Variants in FOXK1 observed in about 807,000 individuals in gnomAD.
FOXK1 encodes the protein forkhead box protein K1.
FOXK1 carries 19 observed loss-of-function variants against 51.9 expected under a neutral mutation model. That is an observed-to-expected ratio of 0.37 (90% CI 0.26 to 0.54). The LOEUF (loss-of-function observed/expected upper bound fraction) is 0.54. FOXK1 is among the 20% of genes least tolerant of loss of function. FOXK1 has a pLI of 0.87. For synonymous variants in FOXK1, 537 were observed against 482.6 expected (o/e 1.11, Z -1.48); for missense variants, 870 against 1,032.7 (o/e 0.84, Z 2.16).
intron 1 of FOXK1, among the ~76,000 whole-genome samples, chr7:4,738,481 A>G (rs1324632242): frequency 6.6e-6 from 1 of 152,066 alleles, no homozygotes; most frequent in African/African-American, 2.4e-5. Context: ...GGAGCTTTCT[A>G]GTCAAAATAC....
chr7:4,695,532 C>T (rs886426352), intron 1 of FOXK1, among the ~76,000 whole-genome samples: 3 of 152,098 alleles, frequency 2.0e-5, no homozygotes, highest in African/African-American at 7.2e-5. Flanking sequence ...AGGCGGGGCG[C>T]GGTGGCTCAT....
intron 1 of FOXK1, among the ~76,000 whole-genome samples, chr7:4,690,703 TGTA>T (rs1219902912): frequency 5.3e-5 from 8 of 151,420 alleles, no homozygotes; most frequent in African/African-American, 1.7e-4. Flanking sequence ...AAGTGTAGGA[TGTA>T]GTGGTGTTCA....
intron 1 of FOXK1, among the ~76,000 whole-genome samples, chr7:4,712,569 G>C (rs1421499447): frequency 6.6e-6 from 1 of 152,172 alleles, no homozygotes; most frequent in Non-Finnish European, 1.5e-5. Flanking sequence ...AACACGGAGA[G>C]TTGTTAGAAT....
chr7:4,757,935 C>T (rs1211404036), intron 5 of FOXK1: 1 of 152,162 alleles, frequency 6.6e-6, no homozygotes, highest in African/African-American at 2.4e-5. Flanking sequence ...GAGAATATCT[C>T]AGGACCAAGA....
At chr7:4,739,728 G>A (rs1018103273) in intron 1 of FOXK1, among the ~76,000 whole-genome samples, 1 of 152,220 alleles carries the variant, frequency 6.6e-6, no homozygotes, top group African/African-American at 2.4e-5. Context: ...TGCGACTCCC[G>A]CCTGCCGGAG....
In FOXK1 at chr7:4,759,157, C is replaced by A. The variant is rs375956939; in HGVS notation, c.1351C>A (p.Pro451Thr). The change falls in exon 6 of 9, where the codon CCT (proline) becomes ACT (threonine). Residue 451 changes from proline (P) to threonine (T), a missense_variant. Pro to Thr is a conservative substitution (Grantham distance 38). Around this residue, in one of 3 missense-constraint regions of FOXK1, gnomAD observed 457 missense variants for 510.8 expected, o/e 0.89. Coordinates refer to ENST00000328914, the MANE Select transcript of FOXK1 (RefSeq NM_001037165.2). ...GGAGGGCTCCCCCATTCCACACGAC[C>A]CTGAGTTTGGGTCCAAGTTAGCTTC... ...SREGSPIPHD[P>T]EFGSKLASVP... 22 of 1,612,752 alleles carry A rather than the reference C, an allele frequency of 1.4e-5. No homozygotes were observed. In the African/African-American group the frequency reaches 2.5e-4, roughly 19 times the overall value.
At position 4,695,936 on chromosome 7, in the gene FOXK1, C is replaced by CAA. The variant is rs72005510; in HGVS notation, c.560+13085_560+13086dup. 1.1e-3 allele frequency among the ~76,000 whole-genome samples: 128 copies of CAA among 116,808 alleles called. 1 individual carries two copies. Among genetic ancestry groups the CAA allele is most frequent in the East Asian group, 1.0e-2 (40 of 4,010 alleles). 76.6% of individuals were successfully genotyped at this position (116,808 alleles called of 152,430 possible). A position where few individuals can be genotyped will look rare whatever the true frequency, so the allele number is the denominator to read the frequency against. Reference sequence around the variant, plus strand: ...GGGCAACAAGAGCGAAACTCCGTCTCAAAAAAAAAAAAAAAAAATTCCCAC... The same window carrying CAA: ...GGGCAACAAGAGCGAAACTCCGTCTCAAAAAAAAAAAAAAAAAAAATTCCCAC... On this transcript the variant is annotated intron_variant, in intron 1 of 8. Transcript: ENST00000328914.
chr7:4,721,081 CG>C (rs1465421258), intron 1 of FOXK1, among the ~76,000 whole-genome samples: 1 of 152,158 alleles, frequency 6.6e-6, no homozygotes, highest in East Asian at 1.9e-4. Context: ...CTCCGTGCCC[CG>C]TCCCTTTCTT....
chr7:4,755,163 C>T lies in FOXK1; in HGVS notation c.904-74C>T. The stretch of plus-strand genomic sequence containing the variant: ...TTCTCGTGGGAAGGTTCCTCCCCAT[C>T]AGCTGTGACGGGTGGGTGGGGTAGA... On this transcript the variant is annotated intron_variant, in intron 3 of 8. Coordinates refer to ENST00000328914, the MANE Select transcript of FOXK1 (RefSeq NM_001037165.2). The surrounding 1 kb of genome is among the most constrained non-coding windows in gnomAD (Gnocchi z 6.6). The T allele has an allele frequency of 6.4e-7, 1 of 1,566,464 alleles. No individual in the cohort carries two copies. Among genetic ancestry groups the T allele is most frequent in the Non-Finnish European group, 8.7e-7 (1 of 1,150,322 alleles).
intron 1 of FOXK1, among the ~76,000 whole-genome samples, chr7:4,704,326 C>A (rs1308842075): frequency 6.6e-6 from 1 of 151,624 alleles, no homozygotes; most frequent in East Asian, 1.9e-4. Flanking sequence ...TGGGGCACGC[C>A]TGTAATCCCA....
rs1780667914 is a variant in FOXK1, at chr7:4,743,910, T to C, written c.746+2887T>C. On this transcript the variant is annotated intron_variant, in intron 2 of 8. Transcript: ENST00000328914. This position sits in a 1 kb window ranked among gnomAD's most constrained non-coding sequence, Gnocchi z 5.3. ...TTTTTTTTTTGAGACGGAGTCTTGCTCTGTCGCCCAGGCTGGAGTGCAGTG... is the reference window on the plus strand; with the variant it reads ...TTTTTTTTTTGAGACGGAGTCTTGCCCTGTCGCCCAGGCTGGAGTGCAGTG... Among the ~76,000 whole-genome samples, 1 of 150,824 alleles carries C rather than the reference T, an allele frequency of 6.6e-6. No homozygotes were observed. Among genetic ancestry groups the C allele is most frequent in the South Asian group, 2.1e-4 (1 of 4,772 alleles).
chr7:4,689,737 A>C (rs1300133425), intron 1 of FOXK1, among the ~76,000 whole-genome samples: 1 of 152,206 alleles, frequency 6.6e-6, no homozygotes, highest in Non-Finnish European at 1.5e-5. Flanking sequence ...ATTATCTTGA[A>C]ATTAATGGGA....
rs1252427504 is a variant in FOXK1, at chr7:4,759,097, T to C, written c.1291T>C (p.Ser431Pro). The change falls in exon 6 of 9, where the codon TCC (serine) becomes CCC (proline). Residue 431 changes from serine to proline, a missense_variant. By Grantham distance (74) the Ser-to-Pro change is moderately conservative (BLOSUM62 -1). Coordinates refer to ENST00000328914, the MANE Select transcript of FOXK1 (RefSeq NM_001037165.2). ...ACACCCCGGGCTGATGTCCCCTCGC[T>C]CCGGCGGCCTGCAGACCCCAGAGTG... ...PTHPGLMSPR[S>P]GGLQTPECLS... 6.2e-7 allele frequency: 1 copy of C among 1,611,080 alleles called. No individual in the cohort carries two copies. Among genetic ancestry groups the C allele is most frequent in the South Asian group, 1.1e-5 (1 of 91,066 alleles).
chr7:4,739,629 C>G (rs149536719), intron 1 of FOXK1, among the ~76,000 whole-genome samples: 116 of 152,286 alleles, frequency 7.6e-4, no homozygotes, highest in Non-Finnish European at 1.5e-3. Context: ...TTGGTCGTCT[C>G]CAGTAGAAAA....
chr7:4,716,598 G>C (rs1780238185), intron 1 of FOXK1, among the ~76,000 whole-genome samples: 1 of 152,210 alleles, frequency 6.6e-6, no homozygotes, highest in Admixed American at 6.5e-5. Context: ...TGTCACTGTG[G>C]CCTGCTGTGG....
rs1398290991 is a variant in FOXK1, at chr7:4,766,790, C to G, written c.*4326C>G. 5 of 152,208 alleles carry G rather than the reference C, an allele frequency of 3.3e-5. No individual in the cohort carries two copies. Among genetic ancestry groups the G allele is most frequent in the Admixed American group, 3.3e-4 (5 of 15,282 alleles). 9.4% of individuals were successfully genotyped at this position (152,208 alleles called of 1,614,324 possible). On this transcript the variant is annotated 3_prime_UTR_variant, in exon 9 of 9. Transcript: ENST00000328914. The surrounding 1 kb of genome is among the most constrained non-coding windows in gnomAD (Gnocchi z 5.5). The stretch of plus-strand genomic sequence containing the variant: ...ATCATTCAGCGAATGCTCTTGTGTC[C>G]TCTGCATAAAGAGGGCCCTCCCTGG...
Position 4,733,545 on chromosome 7 carries a change from A to T in FOXK1, c.561-7293A>T, listed in dbSNP as rs1398261176. ...CCATTTGTATCCCATTGACCAGCTC[A>T]TAGTCTCATGGTTGCAAGAGGGGCA... On this transcript the variant is annotated intron_variant, in intron 1 of 8. Transcript: ENST00000328914. This position sits in a 1 kb window ranked among gnomAD's most constrained non-coding sequence, Gnocchi z 5.0. Among the ~76,000 whole-genome samples, 1 of 152,192 alleles carries T rather than the reference A, an allele frequency of 6.6e-6. No individual in the cohort carries two copies. Among genetic ancestry groups the T allele is most frequent in the African/African-American group, 2.4e-5 (1 of 41,438 alleles).
chr7:4,727,776 G>A (rs977683307), intron 1 of FOXK1, among the ~76,000 whole-genome samples: 14 of 152,220 alleles, frequency 9.2e-5, no homozygotes, highest in African/African-American at 2.9e-4. Flanking sequence ...ACCCGCGCAC[G>A]GAGGAAACAC....
intron 1 of FOXK1, among the ~76,000 whole-genome samples, chr7:4,732,984 C>A (rs1780502938): frequency 6.6e-6 from 1 of 152,208 alleles, no homozygotes; most frequent in African/African-American, 2.4e-5. Flanking sequence ...GACGACATTC[C>A]TGTCCTTCAG....
Sources: gnomAD v4.1 joint callset for allele counts (sites outside exome capture counted in the v4.1 genomes callset) on GRCh38, gnomAD v4.1.1 for gene constraint, gnomAD v4.1.1 regional missense constraint, Gnocchi (gnomAD v3.1) non-coding constraint, MANE v1.5 for transcripts, NCBI Gene and HGNC (gene_info 2026-07-23, HGNC 2026-07-21) for gene names.